Variants in RNF175 observed in about 807,000 individuals in gnomAD.
The protein encoded by RNF175 is ring finger protein 175.
RNF175 carries 38 observed loss-of-function variants against 50.0 expected under a neutral mutation model. The observed-to-expected ratio is 0.76, with a 90% CI of 0.59 to 1.00. The LOEUF (loss-of-function observed/expected upper bound fraction) is 1.00, where lower values mean the gene tolerates loss of function less well. Ranked by LOEUF, RNF175 falls within the 50% of genes least tolerant of loss-of-function variation. The probability of loss-of-function intolerance (pLI) is 0.00; values close to 1 mark genes in which losing one functional copy is unlikely to be tolerated. For missense variants in RNF175, 388 were observed against 409.6 expected, an observed-to-expected ratio of 0.95 and a Z score of 0.46; for synonymous variants, 155 against 146.1, an observed-to-expected ratio of 1.06 and a Z score of -0.44.
chr4:153,751,602 G>A, intron 1 of RNF175, 127 bp from the exon 2 acceptor site: 1 of 662,476 alleles, frequency 1.5e-6, no homozygotes, highest in Non-Finnish European at 2.6e-6. Flanking sequence ...AATAATTTGG[G>A]ATAAAAGTCC....
At chr4:153,711,605 G>A (rs1370549753) in intron 8 of RNF175, among the ~76,000 whole-genome samples, 1 of 152,204 alleles carries the variant, frequency 6.6e-6, no homozygotes, top group African/African-American at 2.4e-5. Context: ...TACTTAGAAA[G>A]TACAGAAAGG....
At chr4:153,710,979 C>T (rs1324008184) in intron 8 of RNF175, among the ~76,000 whole-genome samples, 4 of 152,050 alleles carry the variant, frequency 2.6e-5, no homozygotes, top group East Asian at 3.9e-4. Flanking sequence ...ATAGTGTCTC[C>T]GACAACAATT....
chr4:153,737,460 C>T (rs115399310), intron 3 of RNF175, among the ~76,000 whole-genome samples: 1,618 of 152,106 alleles, frequency 0.011, 34 homozygotes, highest in African/African-American at 0.037. Context: ...TATAAATTTT[C>T]CTCTAAGCAC....
rs1453431570 is a variant in RNF175 at position 153,710,417 on chromosome 4, C to T, written c.939G>A (p.Val313=). The T allele has an allele frequency of 1.9e-6, 3 of 1,581,506 alleles. No individual in the cohort carries two copies. In the African/African-American group the frequency reaches 4.0e-5, roughly 21 times the overall value. The change falls in exon 9 of 9, where the codon GTG becomes GTA. Residue 313 remains valine, a synonymous_variant. Transcript: ENST00000347063. ...TAATGCCTTGAACTATTCCTATCACCACAGGTTGCCAGGCCACCAAATAAC... is the reference window on the plus strand; with the variant it reads ...TAATGCCTTGAACTATTCCTATCACTACAGGTTGCCAGGCCACCAAATAAC... ...WLRYLVAWQP[V]VIGIVQGIIY...
At chr4:153,755,261 A>G (rs1740504495) in intron 1 of RNF175, among the ~76,000 whole-genome samples, 1 of 152,270 alleles carries the variant, frequency 6.6e-6, no homozygotes, top group Non-Finnish European at 1.5e-5. Flanking sequence ...GAAAAGACCT[A>G]TAGATGGACA....
Position 153,710,497 on chromosome 4 carries a change from T to G in RNF175, c.867-8A>C, listed in dbSNP as rs909476994. On this transcript the variant is annotated splice_region_variant and splice_polypyrimidine_tract_variant and intron_variant, in intron 8 of 8. Transcript: ENST00000347063. ...AAATGTGTGCGCTCCCAGCTAAATC[T>G]CAGTTAAGGAGGTTGTTCTATATAC... 5.6e-6 allele frequency: 9 copies of G among 1,608,938 alleles called. No homozygotes were observed. The South Asian group carries it at 1.0e-4, about 18-fold the overall frequency.
Position 153,741,741 on chromosome 4 carries a change from T to C in RNF175, c.246+6904A>G, listed in dbSNP as rs141827052. ...GAAACCAGAAGTCCTTCCTATTTTT[T>C]AAAATTTCATCATTTTAAATATTAG... On this transcript the variant is annotated intron_variant, in intron 3 of 8. Coordinates refer to ENST00000347063, the MANE Select transcript of RNF175 (RefSeq NM_173662.4). Among the ~76,000 whole-genome samples, 17 of 152,320 alleles carry C rather than the reference T, an allele frequency of 1.1e-4. No individual in the cohort carries two copies. The East Asian group carries it at 2.7e-3, about 24-fold the overall frequency.
chr4:153,728,153 T>G, intron 4 of RNF175, 54 bp downstream of exon 4: 1 of 1,377,764 alleles, frequency 7.3e-7, no homozygotes, highest in Non-Finnish European at 9.8e-7. Context: ...AAAATATGCT[T>G]TGTAATATTT....
chr4:153,731,787 A>G (rs897159512), intron 3 of RNF175, among the ~76,000 whole-genome samples: 1 of 152,182 alleles, frequency 6.6e-6, no homozygotes, highest in Non-Finnish European at 1.5e-5. Flanking sequence ...ACTATCTGCA[A>G]TCATTTGTGT....
chr4:153,729,300 C>T lies in RNF175; in HGVS notation c.247-939G>A, dbSNP rs1207379911. On this transcript the variant is annotated intron_variant, in intron 3 of 8. Coordinates refer to ENST00000347063, the MANE Select transcript of RNF175 (RefSeq NM_173662.4). ...TACGTTAACTAATTTTTAGTGGTAGCCTGCAGCGCTCTGTTGAGGATTCTG... is the reference window on the plus strand; with the variant it reads ...TACGTTAACTAATTTTTAGTGGTAGTCTGCAGCGCTCTGTTGAGGATTCTG... 2.0e-5 allele frequency among the ~76,000 whole-genome samples: 3 copies of T among 152,274 alleles called. No homozygotes were observed. The East Asian group carries it at 5.8e-4, about 29-fold the overall frequency.
intron 6 of RNF175, among the ~76,000 whole-genome samples, chr4:153,716,399 G>A (rs111609171): frequency 0.023 from 3,466 of 152,186 alleles, 139 homozygotes; most frequent in African/African-American, 0.078. Context: ...GCATCTCTCC[G>A]TCATTTAAAT....
At chr4:153,732,494 A>G (rs1247700776) in intron 3 of RNF175, among the ~76,000 whole-genome samples, 4 of 152,242 alleles carry the variant, frequency 2.6e-5, no homozygotes, top group African/African-American at 7.2e-5. Context: ...TTATTGGCCC[A>G]GTAATATTTT....
intron 6 of RNF175, among the ~76,000 whole-genome samples, 199 bp from the exon 7 acceptor site, chr4:153,715,861 A>G (rs566804264): frequency 6.6e-6 from 1 of 152,166 alleles, no homozygotes; most frequent in East Asian, 1.9e-4. Context: ...CAGGAGTTCG[A>G]GACCAGCGTG....
At chr4:153,731,106 T>C (rs1739008896) in intron 3 of RNF175, among the ~76,000 whole-genome samples, 8 of 152,250 alleles carry the variant, frequency 5.3e-5, no homozygotes. Flanking sequence ...TCTCAATATA[T>C]GAAGGGAAAG....
intron 4 of RNF175, among the ~76,000 whole-genome samples, chr4:153,726,613 C>A (rs1738715256): frequency 6.6e-6 from 1 of 152,170 alleles, no homozygotes; most frequent in African/African-American, 2.4e-5. Flanking sequence ...ATCCAGCTCC[C>A]CTAGCCTGTA....
intron 7 of RNF175, chr4:153,713,013 A>G (rs539231654): frequency 1.3e-5 from 2 of 154,214 alleles, no homozygotes; most frequent in Admixed American, 6.5e-5. Context: ...TGTCTTAGGC[A>G]CTTAGACAAG....
intron 3 of RNF175, among the ~76,000 whole-genome samples, chr4:153,733,542 T>A (rs931649850): frequency 6.6e-6 from 1 of 152,236 alleles, no homozygotes; most frequent in Non-Finnish European, 1.5e-5. Flanking sequence ...TGGAATACAG[T>A]ACTTTTTTGC....
intron 3 of RNF175, among the ~76,000 whole-genome samples, chr4:153,739,621 GTCTT>G (rs1028256146): frequency 6.6e-6 from 1 of 152,092 alleles, no homozygotes; most frequent in African/African-American, 2.4e-5. Flanking sequence ...GCCTGATAAA[GTCTT>G]TATTTCTCTT....
chr4:153,740,794 G>C (rs1477627216), intron 3 of RNF175, among the ~76,000 whole-genome samples: 1 of 152,034 alleles, frequency 6.6e-6, no homozygotes, highest in African/African-American at 2.4e-5. Flanking sequence ...GTAATATTTG[G>C]TTGAAAAGCA....
Sources: allele counts gnomAD v4.1 joint callset (sites outside exome capture counted in the v4.1 genomes callset), GRCh38; gene constraint gnomAD v4.1.1; transcripts MANE v1.5; gene names NCBI Gene and HGNC (gene_info 2026-07-23, HGNC 2026-07-21).